The following IFNGR1 variants were observed in gnomAD, a reference collection of about 807,000 sequenced individuals.
IFNGR1 encodes AVP, type 2.
In IFNGR1, 23 loss-of-function variants were observed where a neutral mutation model predicts 35.4. The observed-to-expected ratio is 0.65, with a 90% CI of 0.47 to 0.92. The LOEUF (loss-of-function observed/expected upper bound fraction) is 0.92. IFNGR1 is among the 40% of genes least tolerant of loss of function. IFNGR1 has a pLI of 0.00. For synonymous variants in IFNGR1, 199 were observed against 209.5 expected, an observed-to-expected ratio of 0.95 and a Z score of 0.43; for missense variants, 533 against 583.4, an observed-to-expected ratio of 0.91 and a Z score of 0.89.
chr6:137,210,635 G>T (rs144328297), intron 1 of IFNGR1, among the ~76,000 whole-genome samples: 180 of 152,236 alleles, frequency 1.2e-3, no homozygotes, highest in African/African-American at 4.3e-3. Flanking sequence ...AAAGTGCCTT[G>T]GATGATAATG....
chr6:137,204,311 T>C (rs778035026), intron 4 of IFNGR1, 21 bp downstream of exon 4: 5 of 1,606,392 alleles, frequency 3.1e-6, no homozygotes, highest in South Asian at 2.2e-5. Context: ...ATTTCCATTA[T>C]GAAAAATGTG....
intron 4 of IFNGR1, 95 bp from the exon 5 acceptor site, chr6:137,203,780 A>T (rs1779356613): frequency 2.0e-6 from 2 of 991,596 alleles, no homozygotes; most frequent in Non-Finnish European, 3.1e-6. Context: ...ACAACTGAAG[A>T]AATATATATG....
chr6:137,202,602 TACACACACACACACAC>T (rs3839519), intron 5 of IFNGR1, among the ~76,000 whole-genome samples: 2,745 of 142,196 alleles, frequency 0.019, 53 homozygotes, highest in East Asian at 0.048. Context: ...AATATATGTA[TACACACACACACACAC>T]ACACACACAC....
chr6:137,210,119 G>C (rs1456557394), intron 1 of IFNGR1: 1 of 353,762 alleles, frequency 2.8e-6, no homozygotes, highest in East Asian at 4.2e-5. Flanking sequence ...GGGAGGCTGA[G>C]GTGGGAGGAT....
At chr6:137,203,852 C>T (rs1051397319) in intron 4 of IFNGR1, 167 bp from the exon 5 acceptor site, 37 of 642,294 alleles carry the variant, frequency 5.8e-5, no homozygotes, top group Non-Finnish European at 9.6e-5. Flanking sequence ...TACTTCAACA[C>T]AGCACGATAC....
At chr6:137,206,686 ACACT>A in intron 2 of IFNGR1, 1 of 439,284 alleles carries the variant, frequency 2.3e-6, no homozygotes, top group South Asian at 3.7e-5. Flanking sequence ...TACTAAAAAT[ACACT>A]ACAGGAAGAT....
intron 6 of IFNGR1, among the ~76,000 whole-genome samples, chr6:137,200,275 C>T (rs1180770893): frequency 6.6e-6 from 1 of 152,156 alleles, no homozygotes; most frequent in Admixed American, 6.5e-5. Context: ...CAAATAGATA[C>T]TATTCTGTTA....
chr6:137,198,165 T>C lies in IFNGR1; in HGVS notation c.1336A>G (p.Ile446Val). Residue 446 changes from isoleucine to valine, a missense_variant, in exon 7 of 7, where the codon ATA becomes GTA. Coordinates refer to ENST00000367739, the MANE Select transcript of IFNGR1 (RefSeq NM_000416.3). ...GAGGTGGGGGCTTTTATTACGGTTA[T>C]GAGCTCTTGTCCTTCTGTTTTTATT... ...GEIKTEGQEL[I>V]TVIKAPTSFG... 1.2e-6 allele frequency: 2 copies of C among 1,614,180 alleles called. No individual in the cohort carries two copies. The highest frequency in any genetic ancestry group is 1.1e-5 in the South Asian group (1 of 91,088).
At chr6:137,213,197 T>C (rs1309356902) in intron 1 of IFNGR1, among the ~76,000 whole-genome samples, 3 of 152,192 alleles carry the variant, frequency 2.0e-5, no homozygotes, top group South Asian at 2.1e-4. Context: ...TAAAAATATA[T>C]GTAGAAACAG....
intron 1 of IFNGR1, among the ~76,000 whole-genome samples, chr6:137,211,508 T>C (rs1779572798): frequency 6.6e-6 from 1 of 152,218 alleles, no homozygotes; most frequent in South Asian, 2.1e-4. Context: ...TTGACCTTTT[T>C]GTGGCCAGTG....
chr6:137,216,104 A>T (rs1227159623), intron 1 of IFNGR1, among the ~76,000 whole-genome samples: 3 of 152,246 alleles, frequency 2.0e-5, no homozygotes, highest in Non-Finnish European at 4.4e-5. Flanking sequence ...CTATTCAATA[A>T]ATATAATTAA....
Position 137,209,832 on chromosome 6 carries a change from T to C in IFNGR1, c.86-2755A>G, listed in dbSNP as rs1042821043. 1.3e-5 allele frequency: 5 copies of C among 398,620 alleles called. No individual in the cohort carries two copies. In the Admixed American group the frequency reaches 1.3e-4, roughly 11 times the overall value. The allele number at this position is 398,620 out of a possible 1,614,324, so 24.7% of individuals were successfully genotyped here. On this transcript the variant is annotated intron_variant, in intron 1 of 6. Transcript: ENST00000367739. Reference sequence around the variant, plus strand: ...ATTTATGCCTTCCACACTTTTTCTATAGTACAGGAATAGATACCTAAAGAT... The same window carrying C: ...ATTTATGCCTTCCACACTTTTTCTACAGTACAGGAATAGATACCTAAAGAT...
chr6:137,212,053 T>C (rs1194138446), intron 1 of IFNGR1, among the ~76,000 whole-genome samples: 2 of 152,100 alleles, frequency 1.3e-5, no homozygotes, highest in Non-Finnish European at 2.9e-5. Context: ...GTCTCACCTG[T>C]TACTATAAGA....
chr6:137,206,718 CTTTA>C lies in IFNGR1; in HGVS notation c.200+241_200+244del, dbSNP rs1018888572. The C allele has an allele frequency of 9.6e-6, 5 of 521,726 alleles. No individual in the cohort carries two copies. In the African/African-American group the frequency reaches 9.6e-5, roughly 10 times the overall value. The allele number at this position is 521,726 out of a possible 1,614,324, so 32.3% of individuals were successfully genotyped here. On this transcript the variant is annotated intron_variant, in intron 2 of 6. Transcript: ENST00000367739. Reference sequence around the variant, plus strand: ...AGGAAGATGACATAGTAACTATTAGCTTTATTTGTCATGCTAATCTCAGAAGTTT... The same window carrying C: ...AGGAAGATGACATAGTAACTATTAGCTTTGTCATGCTAATCTCAGAAGTTT...
At position 137,203,534 on chromosome 6, in the gene IFNGR1, T is replaced by G. The variant is rs767099047; in HGVS notation, c.698A>C (p.Glu233Ala). 6.2e-7 allele frequency: 1 copy of G among 1,611,692 alleles called. No homozygotes were observed. Among genetic ancestry groups the G allele is most frequent in the African/African-American group, 1.3e-5 (1 of 74,854 alleles). ...VWGVTTEKSKEVCITIFNSSI... is the reference protein window; with the variant it reads ...VWGVTTEKSKAVCITIFNSSI... ...GCTATTGAAAATGGTAATACAAACT[T>G]CTTTTGACTTTTCAGTTGTAACACC... The change falls in exon 5 of 7, where the codon GAA (glutamate) becomes GCA (alanine). Residue 233 changes from glutamate to alanine, a missense_variant. Physicochemically the swap from Glu to Ala is moderately radical, Grantham distance 107. Transcript: ENST00000367739.
In IFNGR1 at chr6:137,197,831, A is replaced by T; in HGVS notation, c.*200T>A. 3 of 433,834 alleles carry T rather than the reference A, an allele frequency of 6.9e-6. No homozygotes were observed. Among genetic ancestry groups the T allele is most frequent in the East Asian group, 4.8e-5 (1 of 20,816 alleles). 26.9% of individuals were successfully genotyped at this position (433,834 alleles called of 1,614,324 possible). The stretch of plus-strand genomic sequence containing the variant: ...TAAGTTACAATGCTTTTTTTGTTTA[A>T]AAAAAAAAAAAAGTCTGTACTTTAC... On this transcript the variant is annotated 3_prime_UTR_variant, in exon 7 of 7. Coordinates refer to ENST00000367739, the MANE Select transcript of IFNGR1 (RefSeq NM_000416.3).
In IFNGR1 at chr6:137,201,152, TAG is replaced by T. The variant is rs540923304; in HGVS notation, c.734-146_734-145del. On this transcript the variant is annotated intron_variant, in intron 5 of 6. Coordinates refer to ENST00000367739, the MANE Select transcript of IFNGR1 (RefSeq NM_000416.3). The stretch of plus-strand genomic sequence containing the variant: ...AAAGAACACTGAAGGAAGCAGAAGT[TAG>T]GAAATCTGAGTAAAAAATTAGGTAT... The T allele has an allele frequency of 1.3e-4, 112 of 867,176 alleles. 1 individual carries two copies. The South Asian group carries it at 1.6e-3, about 13-fold the overall frequency. 53.7% of individuals were successfully genotyped at this position (867,176 alleles called of 1,614,324 possible).
At chr6:137,203,759 G>A (rs1328965901) in intron 4 of IFNGR1, 74 bp from the exon 5 acceptor site, 2 of 1,203,308 alleles carry the variant, frequency 1.7e-6, no homozygotes, top group Non-Finnish European at 2.4e-6. Context: ...CACCATATTA[G>A]TCCTGGTCAA....
rs750735504 is a variant in IFNGR1 at position 137,219,334 on chromosome 6, A to G, written c.-7T>C. 1.9e-6 allele frequency: 3 copies of G among 1,601,140 alleles called. No individual in the cohort carries two copies. Among genetic ancestry groups the G allele is most frequent in the East Asian group, 2.3e-5 (1 of 44,354 alleles). ...GGAGAAAGAGGAGAGCCATGCTGCT[A>G]CCGACGGTCGCTGGCTCCAACCCCG... On this transcript the variant is annotated 5_prime_UTR_variant, in exon 1 of 7. Transcript: ENST00000367739.
Sources: allele counts gnomAD v4.1 joint callset (sites outside exome capture counted in the v4.1 genomes callset), GRCh38; gene constraint gnomAD v4.1.1; transcripts MANE v1.5; gene names NCBI Gene and HGNC (gene_info 2026-07-23, HGNC 2026-07-21).